NRK: variants seen among roughly 807,000 people sequenced by gnomAD.
NRK encodes the protein nik-related protein kinase.
In NRK, 67 loss-of-function variants were observed where a neutral mutation model predicts 125.2. The ratio of observed to expected loss-of-function variants is 0.54; its 90% confidence interval spans 0.44 to 0.66. NRK has a LOEUF of 0.66. Ranked by LOEUF, NRK falls within the 30% of genes least tolerant of loss-of-function variation. The probability of loss-of-function intolerance (pLI) is 0.00; values close to 1 mark genes in which losing one functional copy is unlikely to be tolerated. For missense variants in NRK, 1,224 were observed against 1,192.9 expected (o/e 1.03, Z -0.38); for synonymous variants, 458 against 429.0 (o/e 1.07, Z -0.84).
At position 105,935,010 on chromosome X, in the gene NRK, C is replaced by T. The variant is rs768934691; in HGVS notation, c.3500-160C>T. Among the ~76,000 whole-genome samples, 13 of 110,728 alleles carry T rather than the reference C, an allele frequency of 1.2e-4. No individual in the cohort carries two copies. The East Asian group carries it at 2.3e-3, about 19-fold the overall frequency. On this transcript the variant is annotated intron_variant, in intron 20 of 28. Transcript: ENST00000243300. The stretch of plus-strand genomic sequence containing the variant: ...ATTTGGCTAAGTCGTGTCTCATTTG[C>T]GGAAACACTGTAGCATATAAGGTGT...
chrX:105,865,291 A>C (rs752696057), intron 2 of NRK, among the ~76,000 whole-genome samples: 3 of 111,118 alleles, frequency 2.7e-5, no homozygotes, highest in Non-Finnish European at 5.7e-5. Context: ...CAGGAACAGA[A>C]TCCTCCTTAA....
chrX:105,830,312 CGCAA>C (rs2039170993), intron 1 of NRK, among the ~76,000 whole-genome samples: 2 of 26,515 alleles, frequency 7.5e-5, no homozygotes, highest in African/African-American at 2.7e-4. Context: ...GAAACTCCGT[CGCAA>C]AAAAAAAAAA....
At chrX:105,881,861 C>A in intron 4 of NRK, 82 bp downstream of exon 4, 3 of 536,047 alleles carry the variant, frequency 5.6e-6, no homozygotes, top group Middle Eastern at 6.8e-4. Flanking sequence ...TGCATTGTGT[C>A]ATTATCTCTA....
intron 19 of NRK, among the ~76,000 whole-genome samples, chrX:105,927,692 G>A: frequency 9.0e-6 from 1 of 111,351 alleles, no homozygotes. Flanking sequence ...ACGAGGGAAT[G>A]TAGAATTTTA....
At chrX:105,935,143 T>G in intron 20 of NRK, 27 bp from the exon 21 acceptor site, 1 of 1,135,685 alleles carries the variant, frequency 8.8e-7, no homozygotes, top group Non-Finnish European at 1.2e-6. Context: ...TAATTTCCCT[T>G]ATTATCTTCC....
chrX:105,952,830 T>A (rs2040917743), intron 27 of NRK, among the ~76,000 whole-genome samples: 1 of 111,779 alleles, frequency 8.9e-6, no homozygotes, highest in Non-Finnish European at 1.9e-5. Context: ...TTGATTACAA[T>A]GGTGCCTTTA....
intron 9 of NRK, among the ~76,000 whole-genome samples, chrX:105,903,743 G>A (rs2040187662): frequency 9.0e-6 from 1 of 111,569 alleles, no homozygotes; most frequent in Non-Finnish European, 1.9e-5. Flanking sequence ...AACTTACCTA[G>A]TCTGTGTCCT....
chrX:105,833,364 T>C (rs1309420474), intron 2 of NRK, among the ~76,000 whole-genome samples: 2 of 111,768 alleles, frequency 1.8e-5, no homozygotes, highest in Non-Finnish European at 3.8e-5. Flanking sequence ...ATCTTATACA[T>C]AGATACCTAC....
chrX:105,948,777 CTTT>C (rs77813783), intron 26 of NRK: 82 of 391,366 alleles, frequency 2.1e-4, no homozygotes, highest in Admixed American at 4.5e-4. Context: ...TAGTTTCTGA[CTTT>C]TTTTTTTTTT....
intron 19 of NRK, among the ~76,000 whole-genome samples, chrX:105,926,922 C>G (rs2040531334): frequency 9.0e-6 from 1 of 111,072 alleles, no homozygotes; most frequent in Non-Finnish European, 1.9e-5. Context: ...TGTGATGCCT[C>G]TAGTATTATT....
intron 2 of NRK, among the ~76,000 whole-genome samples, chrX:105,838,087 G>C (rs1331295437): frequency 1.8e-5 from 2 of 111,401 alleles, no homozygotes; most frequent in Non-Finnish European, 3.8e-5. Context: ...CTAGCACAGT[G>C]CCTGGCACTC....
At chrX:105,943,146 TC>T (rs370782091) in intron 23 of NRK, among the ~76,000 whole-genome samples, 40 of 111,956 alleles carry the variant, frequency 3.6e-4, no homozygotes, top group African/African-American at 1.1e-3. Flanking sequence ...TATGTTTACT[TC>T]CAAGAATTTT....
At chrX:105,927,535 T>C (rs1170430459) in intron 19 of NRK, among the ~76,000 whole-genome samples, 1 of 111,230 alleles carries the variant, frequency 9.0e-6, no homozygotes, top group Non-Finnish European at 1.9e-5. Context: ...GTGGTGAAAG[T>C]GGATATTTTT....
intron 2 of NRK, among the ~76,000 whole-genome samples, chrX:105,864,579 TAC>T (rs765122541): frequency 3.7e-5 from 4 of 109,187 alleles, no homozygotes; most frequent in Non-Finnish European, 7.7e-5. Context: ...CACATACACA[TAC>T]ACACACACAC....
chrX:105,955,482 A>T (rs779081598), intron 28 of NRK, 23 bp from the exon 29 acceptor site: 43 of 972,070 alleles, frequency 4.4e-5, no homozygotes, highest in Non-Finnish European at 5.8e-5. Flanking sequence ...ATCTGTTGAC[A>T]GTGTATTTCT....
chrX:105,939,816 T>C, intron 22 of NRK, 58 bp from the exon 23 acceptor site: 1 of 687,947 alleles, frequency 1.5e-6, no homozygotes, highest in African/African-American at 2.3e-5. Flanking sequence ...CTTTTTTTTC[T>C]TCTAATATAT....
At chrX:105,929,060 G>C (rs2040560987) in intron 19 of NRK, among the ~76,000 whole-genome samples, 1 of 111,333 alleles carries the variant, frequency 9.0e-6, no homozygotes, top group Non-Finnish European at 1.9e-5. Context: ...TAGATGATCT[G>C]TCCAATGCAG....
intron 4 of NRK, among the ~76,000 whole-genome samples, chrX:105,884,807 G>T (rs775352538): frequency 8.9e-6 from 1 of 111,842 alleles, no homozygotes; most frequent in South Asian, 3.7e-4. Context: ...TTTTTTGTTT[G>T]TTTGTTTGTT....
intron 11 of NRK, among the ~76,000 whole-genome samples, chrX:105,906,933 A>T (rs1430212343): frequency 9.0e-6 from 1 of 110,735 alleles, no homozygotes; most frequent in Non-Finnish European, 1.9e-5. Flanking sequence ...TAAATAAAAG[A>T]TAAAAGGTAA....
Sources: gnomAD v4.1 joint callset for allele counts (sites outside exome capture counted in the v4.1 genomes callset) on GRCh38, gnomAD v4.1.1 for gene constraint, MANE v1.5 for transcripts, NCBI Gene and HGNC (gene_info 2026-07-23, HGNC 2026-07-21) for gene names.